Variants in MCC observed in about 807,000 individuals in gnomAD.
MCC encodes colorectal mutant cancer protein.
A neutral mutation model predicts 116.2 loss-of-function variants in MCC; 90 were observed. That is an observed-to-expected ratio of 0.77 (90% CI 0.65 to 0.92). The LOEUF is 0.92. MCC is among the 40% of genes least tolerant of loss of function. The pLI, the probability that MCC is intolerant of heterozygous loss-of-function variation, is 0.00. For missense variants in MCC, 1,516 were observed against 1,312.2 expected, an observed-to-expected ratio of 1.16 and a Z score of -2.40; for synonymous variants, 578 against 510.5, an observed-to-expected ratio of 1.13 and a Z score of -1.78.
chr5:113,282,167 A>G (rs1309321744), intron 3 of MCC, among the ~76,000 whole-genome samples: 1 of 152,248 alleles, frequency 6.6e-6, no homozygotes, highest in African/African-American at 2.4e-5. Context: ...TTTTACAGAC[A>G]AAGAAACTGA....
intron 3 of MCC, among the ~76,000 whole-genome samples, chr5:113,312,409 T>C (rs942633804): frequency 5.3e-5 from 8 of 152,196 alleles, no homozygotes; most frequent in Non-Finnish European, 1.5e-5. Flanking sequence ...GGAAGAGATG[T>C]CTGACCTAAG....
chr5:113,085,274 C>G lies in MCC; in HGVS notation c.1435G>C (p.Ala479Pro), dbSNP rs374170469. The part of the protein sequence containing the change: ...ELQTRLQSVQ[A>P]TGPSSPGRLT... ...CGGCCAGGGCTGGAGGGACCTGTGG[C>G]CTGCACGCTCTGTAGTCGAGTTTGA... Residue 479 changes from alanine to proline, a missense_variant, in exon 9 of 19, where the codon GCC becomes CCC. Physicochemically the swap from Ala to Pro is conservative, Grantham distance 27. Transcript: ENST00000408903. The G allele has an allele frequency of 6.2e-7, 1 of 1,614,036 alleles. No individual in the cohort carries two copies. Among genetic ancestry groups the G allele is most frequent in the South Asian group, 1.1e-5 (1 of 91,058 alleles).
At chr5:113,143,151 C>A in intron 5 of MCC, 67 bp downstream of exon 5, 1 of 1,495,098 alleles carries the variant, frequency 6.7e-7, no homozygotes, top group Non-Finnish European at 8.9e-7. Context: ...ATAGTTGGGG[C>A]TACTTCAGCT....
At chr5:113,145,671 C>A (rs1234306796) in intron 4 of MCC, among the ~76,000 whole-genome samples, 2 of 151,856 alleles carry the variant, frequency 1.3e-5, no homozygotes, top group African/African-American at 4.8e-5. Context: ...TCCTGGCCAA[C>A]CAGCAGCCCT....
chr5:113,188,663 T>C (rs2150312519), intron 3 of MCC, among the ~76,000 whole-genome samples: 1 of 152,298 alleles, frequency 6.6e-6, no homozygotes, highest in South Asian at 2.1e-4. Context: ...TCACCTGTGA[T>C]GTAGTATGCA....
chr5:113,263,364 C>G (rs1006087896), intron 3 of MCC, among the ~76,000 whole-genome samples: 13 of 152,182 alleles, frequency 8.5e-5, no homozygotes, highest in African/African-American at 2.7e-4. Flanking sequence ...AACATTAATT[C>G]TGGATCAGAT....
intron 7 of MCC, 58 bp downstream of exon 7, chr5:113,104,134 T>C (rs1378567058): frequency 1.7e-5 from 26 of 1,488,080 alleles, no homozygotes; most frequent in Middle Eastern, 4.5e-4. Context: ...AAGAGAAGGA[T>C]TGGACCATTT....
chr5:113,286,322 T>C (rs1766260633), intron 3 of MCC, among the ~76,000 whole-genome samples: 1 of 152,178 alleles, frequency 6.6e-6, no homozygotes, highest in Non-Finnish European at 1.5e-5. Context: ...ACATAACCAG[T>C]CAGAGGCCTC....
intron 16 of MCC, among the ~76,000 whole-genome samples, chr5:113,047,334 G>A (rs1019599291): frequency 2.0e-5 from 3 of 152,228 alleles, no homozygotes; most frequent in African/African-American, 7.2e-5. Flanking sequence ...CACGCTGTGA[G>A]TGCCAAATCA....
At chr5:113,476,631 A>G (rs1772240088) in intron 1 of MCC, among the ~76,000 whole-genome samples, 1 of 152,200 alleles carries the variant, frequency 6.6e-6, no homozygotes, top group Non-Finnish European at 1.5e-5. Flanking sequence ...GGTTAGACAA[A>G]GACTTTTTAG....
chr5:113,386,756 T>C (rs1390635424), intron 1 of MCC, among the ~76,000 whole-genome samples: 2 of 104,080 alleles, frequency 1.9e-5, no homozygotes, highest in African/African-American at 2.9e-5. Context: ...ATGTATATCA[T>C]ATATATATAT....
At chr5:113,052,124 G>A (rs534229178) in intron 15 of MCC, among the ~76,000 whole-genome samples, 9 of 114,038 alleles carry the variant, frequency 7.9e-5, no homozygotes, top group Non-Finnish European at 1.7e-4. Context: ...GGGAGTATTA[G>A]AACTTTTATT....
chr5:113,363,300 C>CA (rs951323685), intron 2 of MCC, among the ~76,000 whole-genome samples: 23 of 151,876 alleles, frequency 1.5e-4, no homozygotes, highest in Middle Eastern at 3.4e-3. Flanking sequence ...AAAAAACAAA[C>CA]AAAAAAAACC....
intron 3 of MCC, among the ~76,000 whole-genome samples, chr5:113,227,655 T>A (rs557616785): frequency 6.6e-6 from 1 of 152,190 alleles, no homozygotes; most frequent in Non-Finnish European, 1.5e-5. Context: ...CATAAGCATG[T>A]CTAGAACAAA....
chr5:113,461,026 A>G (rs1437644485), intron 1 of MCC, among the ~76,000 whole-genome samples: 1 of 152,236 alleles, frequency 6.6e-6, no homozygotes, highest in East Asian at 1.9e-4. Context: ...CAGGAGGCTG[A>G]AGCAGGAAGA....
chr5:113,151,766 T>C (rs560264922), intron 3 of MCC, among the ~76,000 whole-genome samples: 1 of 152,178 alleles, frequency 6.6e-6, no homozygotes, highest in South Asian at 2.1e-4. Context: ...CTGATTCTAA[T>C]CATGAGAGTC....
At chr5:113,356,059 G>T (rs911385081) in intron 2 of MCC, among the ~76,000 whole-genome samples, 1 of 71,208 alleles carries the variant, frequency 1.4e-5, no homozygotes, top group African/African-American at 5.7e-5. Context: ...GACAGGCAAG[G>T]TGTATTTTTT....
chr5:113,383,963 A>AG (rs1299202798), intron 2 of MCC, among the ~76,000 whole-genome samples: 2 of 152,222 alleles, frequency 1.3e-5, no homozygotes, highest in Non-Finnish European at 2.9e-5. Context: ...GCAGAGAAAC[A>AG]ATGAGATCAA....
chr5:113,166,068 A>G (rs183457755), intron 3 of MCC, among the ~76,000 whole-genome samples: 42 of 152,262 alleles, frequency 2.8e-4, no homozygotes, highest in Admixed American at 7.2e-4. Context: ...AGTGACATCT[A>G]ATCCTGATTT....
Sources: allele counts gnomAD v4.1 joint callset (sites outside exome capture counted in the v4.1 genomes callset), GRCh38; gene constraint gnomAD v4.1.1; transcripts MANE v1.5; gene names NCBI Gene and HGNC (gene_info 2026-07-23, HGNC 2026-07-21).